Variants in LARGE1 observed in about 807,000 individuals in gnomAD.
LARGE1 encodes the protein xylosyl- and glucuronyltransferase LARGE1.
In LARGE1, 43 loss-of-function variants were observed where a neutral mutation model predicts 87.6. The ratio of observed to expected loss-of-function variants is 0.49; its 90% CI spans 0.38 to 0.63. LARGE1 has a LOEUF of 0.63. Among genes scored for constraint, LARGE1 ranks in the 30% least tolerant of loss-of-function variants. The pLI is 0.00. For synonymous variants in LARGE1, 434 were observed against 394.6 expected, an observed-to-expected ratio of 1.10 and a Z score of -1.18; for missense variants, 802 against 1,000.2, an observed-to-expected ratio of 0.80 and a Z score of 2.67.
chr22:33,773,893 T>C (rs1227465122), intron 1 of LARGE1, among the ~76,000 whole-genome samples: 3 of 152,338 alleles, frequency 2.0e-5, no homozygotes, highest in African/African-American at 7.2e-5. Flanking sequence ...ATTGATTGAC[T>C]ATAGCTGTTC....
chr22:33,715,215 T>A (rs1603228414), intron 2 of LARGE1, among the ~76,000 whole-genome samples: 1 of 152,206 alleles, frequency 6.6e-6, no homozygotes, highest in East Asian at 1.9e-4. Context: ...ACTGGCTAGG[T>A]CAGGCCTACA....
chr22:33,163,445 A>T (rs1350355592), exon 12 of LARGE1: 1 of 152,250 alleles, frequency 6.6e-6, no homozygotes, highest in Non-Finnish European at 1.5e-5. Flanking sequence ...GCTCCAAAAT[A>T]ATTGAAAGCT....
chr22:33,277,328 G>A (rs1929522189), intron 13 of LARGE1, 73 bp from the exon 14 acceptor site: 1 of 1,402,560 alleles, frequency 7.1e-7, no homozygotes, highest in South Asian at 1.2e-5. Context: ...CGATGTGGAG[G>A]AAGAAGGGGT....
At chr22:33,459,738 T>G (rs766499775) in intron 6 of LARGE1, among the ~76,000 whole-genome samples, 1 of 151,348 alleles carries the variant, frequency 6.6e-6, no homozygotes, top group Non-Finnish European at 1.5e-5. Flanking sequence ...ACACCCCCAA[T>G]AGCACCCAAA....
In LARGE1 at chr22:33,222,162, A is replaced by T. The variant is rs1000326945; in HGVS notation, c.1731-55330T>A. Reference sequence around the variant, plus strand: ...TCACCAAGGAATCATTTCGAACACGATACTTAAAATACATCTAAGAAAAAA... The same window carrying T: ...TCACCAAGGAATCATTTCGAACACGTTACTTAAAATACATCTAAGAAAAAA... On this transcript the variant is annotated intron_variant, in intron 11 of 11. Transcript: ENST00000608642. 3.3e-5 allele frequency among the ~76,000 whole-genome samples: 5 copies of T among 152,334 alleles called. No individual in the cohort carries two copies. In the East Asian group the frequency reaches 9.7e-4, roughly 29 times the overall value.
chr22:33,664,141 G>A (rs2081204395), intron 2 of LARGE1, among the ~76,000 whole-genome samples: 1 of 152,194 alleles, frequency 6.6e-6, no homozygotes, highest in Admixed American at 6.5e-5. Flanking sequence ...AATCACCTGT[G>A]CTTCCCAGTG....
At chr22:33,829,013 T>TC (rs1347508084) in intron 1 of LARGE1, among the ~76,000 whole-genome samples, 3 of 140,904 alleles carry the variant, frequency 2.1e-5, no homozygotes, top group East Asian at 2.1e-4. Flanking sequence ...TTTCTTTTTT[T>TC]TTTTTTTTTT....
exon 12 of LARGE1, chr22:33,165,758 G>A (rs566714910): frequency 1.3e-5 from 2 of 152,102 alleles, no homozygotes; most frequent in Non-Finnish European, 2.9e-5. Flanking sequence ...GTCCTTAACT[G>A]CTGTTTGTGA....
At chr22:33,875,890 C>A (rs988960431) in intron 1 of LARGE1, among the ~76,000 whole-genome samples, 1 of 152,174 alleles carries the variant, frequency 6.6e-6, no homozygotes, top group South Asian at 2.1e-4. Flanking sequence ...GCCTTCAGTG[C>A]CCGGGGGCCA....
chr22:33,655,031 T>G (rs1396874005), intron 2 of LARGE1, among the ~76,000 whole-genome samples: 3 of 152,238 alleles, frequency 2.0e-5, no homozygotes, highest in African/African-American at 7.2e-5. Flanking sequence ...CTCTAGATGT[T>G]TCTAAAATGC....
chr22:33,804,547 C>T (rs1340332571), intron 1 of LARGE1, among the ~76,000 whole-genome samples: 1 of 152,218 alleles, frequency 6.6e-6, no homozygotes, highest in Non-Finnish European at 1.5e-5. Flanking sequence ...CTCAGTAAAA[C>T]ACACACTTAC....
chr22:33,787,564 T>A (rs1003586497), intron 1 of LARGE1, among the ~76,000 whole-genome samples: 2 of 152,192 alleles, frequency 1.3e-5, no homozygotes, highest in South Asian at 4.1e-4. Flanking sequence ...CCAGACCCCA[T>A]TCACCACAGG....
At chr22:33,610,258 A>C (rs1159560290) in intron 4 of LARGE1, among the ~76,000 whole-genome samples, 1 of 152,208 alleles carries the variant, frequency 6.6e-6, no homozygotes, top group South Asian at 2.1e-4. Flanking sequence ...AGAAGATGGG[A>C]AAGTCTGGAA....
At chr22:33,271,657 T>C (rs1232888568), downstream of LARGE1, among the ~76,000 whole-genome samples, 1 of 152,238 alleles carries the variant, frequency 6.6e-6, no homozygotes. Context: ...TCAACATCTT[T>C]TGCAATTACC....
Position 33,696,002 on chromosome 22 carries a change from G to C in LARGE1, c.107-45334C>G, listed in dbSNP as rs565355859. 2.0e-5 allele frequency among the ~76,000 whole-genome samples: 3 copies of C among 152,286 alleles called. No individual in the cohort carries two copies. The South Asian group carries it at 6.2e-4, about 32-fold the overall frequency. On this transcript the variant is annotated intron_variant, in intron 2 of 14. Transcript: ENST00000397394. ...CCTGAAGTATATACTCTTTGGGTAA[G>C]CTTTCTCTCATAACATCAAGTTTCT...
intron 6 of LARGE1, among the ~76,000 whole-genome samples, chr22:33,535,981 T>C (rs1357299311): frequency 6.6e-6 from 1 of 152,210 alleles, no homozygotes; most frequent in Admixed American, 6.5e-5. Context: ...TGTGTTCAAG[T>C]TGCCATGTTT....
chr22:33,906,897 C>T (rs1225343367), intron 1 of LARGE1, among the ~76,000 whole-genome samples: 1 of 152,052 alleles, frequency 6.6e-6, no homozygotes, highest in Non-Finnish European at 1.5e-5. Flanking sequence ...AATGAAGCAA[C>T]TCTAAATAAC....
intron 6 of LARGE1, among the ~76,000 whole-genome samples, chr22:33,457,895 A>T (rs1282784174): frequency 6.6e-6 from 1 of 152,086 alleles, no homozygotes; most frequent in Non-Finnish European, 1.5e-5. Flanking sequence ...AAAACGACAC[A>T]ACCTTAGTTT....
At chr22:33,346,751 T>C (rs930714224) in intron 9 of LARGE1, among the ~76,000 whole-genome samples, 1 of 152,128 alleles carries the variant, frequency 6.6e-6, no homozygotes, top group Admixed American at 6.5e-5. Flanking sequence ...ACACTAACTT[T>C]GTTTGTAGTT....
Sources: gnomAD v4.1 joint callset for allele counts (sites outside exome capture counted in the v4.1 genomes callset) on GRCh38, gnomAD v4.1.1 for gene constraint, MANE v1.5 for transcripts, NCBI Gene and HGNC (gene_info 2026-07-23, HGNC 2026-07-21) for gene names.